ARL15: variants seen among roughly 807,000 people sequenced by gnomAD.
ARL15 encodes the protein ADP-ribosylation factor-like protein 15.
Under a neutral mutation model 25.2 loss-of-function variants are expected in ARL15, and 19 were observed. That is an observed-to-expected ratio of 0.75 (90% CI 0.53 to 1.10). ARL15 has a LOEUF of 1.10. ARL15 is among the 50% of genes least tolerant of loss of function. The pLI is 0.00. For missense variants in ARL15, 220 were observed against 246.0 expected (o/e 0.89, Z 0.71); for synonymous variants, 94 against 86.8 (o/e 1.08, Z -0.46).
intron 1 of ARL15, among the ~76,000 whole-genome samples, chr5:54,225,874 G>A (rs1756504149): frequency 6.6e-6 from 1 of 152,166 alleles, no homozygotes; most frequent in African/African-American, 2.4e-5. Context: ...CCTTCTCATT[G>A]AAAAAGGAAG....
chr5:54,088,815 T>C (rs186140054), intron 4 of ARL15, among the ~76,000 whole-genome samples: 1 of 152,306 alleles, frequency 6.6e-6, no homozygotes, highest in African/African-American at 2.4e-5. Context: ...GGCAATCAAG[T>C]AGTTTATTAA....
chr5:54,015,747 C>T (rs1749406584), intron 4 of ARL15, among the ~76,000 whole-genome samples: 1 of 152,094 alleles, frequency 6.6e-6, no homozygotes, highest in Non-Finnish European at 1.5e-5. Context: ...GCTCAGGACA[C>T]ACCATCCCAA....
intron 1 of ARL15, among the ~76,000 whole-genome samples, chr5:54,230,273 C>A (rs1165863534): frequency 6.8e-6 from 1 of 147,492 alleles, no homozygotes; most frequent in Non-Finnish European, 1.5e-5. Context: ...CTTGAACCGG[C>A]AGGCGGAGGT....
intron 4 of ARL15, among the ~76,000 whole-genome samples, chr5:54,027,705 C>T (rs753111205): frequency 6.6e-5 from 10 of 152,038 alleles, no homozygotes; most frequent in Admixed American, 1.3e-4. Context: ...CTGCAGCACA[C>T]GGGGAACTTT....
intron 1 of ARL15, among the ~76,000 whole-genome samples, chr5:54,227,575 T>A (rs1411848369): frequency 6.6e-6 from 1 of 152,160 alleles, no homozygotes; most frequent in Non-Finnish European, 1.5e-5. Flanking sequence ...ACCAACTGAA[T>A]GACTGCAAGG....
At chr5:53,978,126 C>T (rs1477396218) in intron 4 of ARL15, among the ~76,000 whole-genome samples, 1 of 152,110 alleles carries the variant, frequency 6.6e-6, no homozygotes, top group Non-Finnish European at 1.5e-5. Context: ...AAAAAAGGAA[C>T]CTAGGGAAGA....
chr5:54,190,185 G>A (rs1173127046), intron 1 of ARL15, among the ~76,000 whole-genome samples: 1 of 152,112 alleles, frequency 6.6e-6, no homozygotes, highest in Non-Finnish European at 1.5e-5. Context: ...GAGGTCAGGA[G>A]TTCGAGACCA....
intron 4 of ARL15, among the ~76,000 whole-genome samples, chr5:54,002,712 C>G (rs557638898): frequency 1.3e-5 from 2 of 152,306 alleles, no homozygotes; most frequent in South Asian, 2.1e-4. Flanking sequence ...CCTATTAAGT[C>G]AGGACACTGA....
intron 1 of ARL15, among the ~76,000 whole-genome samples, chr5:54,242,968 G>A (rs1244516401): frequency 1.3e-5 from 2 of 152,172 alleles, no homozygotes; most frequent in African/African-American, 2.4e-5. Flanking sequence ...ATCCCTAGAT[G>A]TAGACAATCT....
Position 53,924,452 on chromosome 5 carries a change from C to T in ARL15, c.463-37739G>A, listed in dbSNP as rs527333864. 8.5e-5 allele frequency among the ~76,000 whole-genome samples: 13 copies of T among 152,246 alleles called. No individual in the cohort carries two copies. The South Asian group carries it at 2.5e-3, about 29-fold the overall frequency. ...TCCAAAGAACTGATACAGAAAAGATCTTCTCTGAGTCAGAATTTTTGAGCC... is the reference window on the plus strand; with the variant it reads ...TCCAAAGAACTGATACAGAAAAGATTTTCTCTGAGTCAGAATTTTTGAGCC... On this transcript the variant is annotated intron_variant, in intron 4 of 4. Transcript: ENST00000504924.
chr5:54,159,478 T>C (rs2112363092), intron 2 of ARL15, among the ~76,000 whole-genome samples: 1 of 152,302 alleles, frequency 6.6e-6, no homozygotes, highest in South Asian at 2.1e-4. Flanking sequence ...ATGTGCAAAA[T>C]GAGGACTAAA....
intron 1 of ARL15, among the ~76,000 whole-genome samples, chr5:54,260,766 C>T (rs9885300): frequency 0.033 from 5,036 of 152,280 alleles, 148 homozygotes; most frequent in African/African-American, 0.084. Context: ...ACATCTTCCA[C>T]GCTACAGTCC....
chr5:53,968,361 C>G (rs895263180), intron 4 of ARL15, among the ~76,000 whole-genome samples: 2 of 152,088 alleles, frequency 1.3e-5, no homozygotes, highest in African/African-American at 4.8e-5. Context: ...AAATGCCAAG[C>G]TAATTTTAAA....
chr5:54,152,558 T>C (rs911676959), intron 3 of ARL15, among the ~76,000 whole-genome samples: 1 of 152,214 alleles, frequency 6.6e-6, no homozygotes, highest in African/African-American at 2.4e-5. Context: ...GAAACAGAGC[T>C]ATTAAAGTTG....
rs1270030767 is a variant in ARL15 at position 54,306,777 on chromosome 5, G to GTATTA, written c.48+3650_48+3654dup. Among the ~76,000 whole-genome samples, 5 of 152,130 alleles carry GTATTA rather than the reference G, an allele frequency of 3.3e-5. No homozygotes were observed. The East Asian group carries it at 9.6e-4, about 29-fold the overall frequency. ...CCACTATCTCATTTAATCATCATAG[G>GTATTA]TATTACACAGAGTACAACCAATTCT... On this transcript the variant is annotated intron_variant, in intron 1 of 4. Transcript: ENST00000504924.
intron 4 of ARL15, among the ~76,000 whole-genome samples, chr5:54,091,461 G>A (rs1752125688): frequency 6.6e-6 from 1 of 152,186 alleles, no homozygotes; most frequent in Admixed American, 6.5e-5. Context: ...CTACAGAGCT[G>A]TAGTCTGTAG....
intron 3 of ARL15, among the ~76,000 whole-genome samples, chr5:54,134,331 AG>A (rs1753529710): frequency 6.6e-6 from 1 of 152,200 alleles, no homozygotes; most frequent in Non-Finnish European, 1.5e-5. Context: ...AAAGAAAGAA[AG>A]AAATCAGACG....
Position 54,062,768 on chromosome 5 carries a change from G to T in ARL15, c.462+50434C>A, listed in dbSNP as rs74421202. 1.9e-3 allele frequency among the ~76,000 whole-genome samples: 295 copies of T among 152,194 alleles called. 7 individuals are homozygous for T. In the East Asian group the frequency reaches 0.048, roughly 25 times the overall value. ...AGAAAATCTGGCAAGAAAGCTAAAA[G>T]TTAACAGGAGAGGTTAACAGAAAAC... On this transcript the variant is annotated intron_variant, in intron 4 of 4. Transcript: ENST00000504924.
intron 4 of ARL15, among the ~76,000 whole-genome samples, chr5:54,015,798 C>T (rs868058476): frequency 6.6e-6 from 1 of 152,118 alleles, no homozygotes; most frequent in African/African-American, 2.4e-5. Context: ...CCCCAAAATA[C>T]ACCCCTTTGG....
Sources: allele counts gnomAD v4.1 joint callset (sites outside exome capture counted in the v4.1 genomes callset), GRCh38; gene constraint gnomAD v4.1.1; transcripts MANE v1.5; gene names NCBI Gene and HGNC (gene_info 2026-07-23, HGNC 2026-07-21).